The following CUL2 variants were observed in gnomAD, a reference collection of about 807,000 sequenced individuals.
The protein encoded by CUL2 is cullin-2.
In CUL2, 22 loss-of-function variants were observed where a neutral mutation model predicts 110.2. That is an observed-to-expected ratio of 0.20 (90% CI 0.14 to 0.28). The LOEUF is 0.28. CUL2 is among the 10% of genes least tolerant of loss of function. The pLI is 1.00. For missense variants in CUL2, 631 were observed against 905.5 expected, an observed-to-expected ratio of 0.70 and a Z score of 3.89; for synonymous variants, 279 against 293.2, an observed-to-expected ratio of 0.95 and a Z score of 0.49.
rs73260837 is a variant in CUL2, at chr10:35,117,036, C to G, written c.-51+9569G>C. ...CATCCAGAAGAGACATTTCTTCCAC[C>G]CTTACAATGAAAAAAAAGGTAAACT... On this transcript the variant is annotated intron_variant, in intron 1 of 5. Coordinates refer to the CUL2 transcript ENST00000685421. 3.8e-3 allele frequency among the ~76,000 whole-genome samples: 571 copies of G among 152,046 alleles called. 6 individuals carry two copies. Among genetic ancestry groups the G allele is most frequent in the African/African-American group, 0.013 (530 of 41,482 alleles).
chr10:35,041,050 T>C (rs1378265446), intron 8 of CUL2, among the ~76,000 whole-genome samples: 1 of 152,186 alleles, frequency 6.6e-6, no homozygotes, highest in African/African-American at 2.4e-5. Flanking sequence ...GTCCTCAGCC[T>C]GAGGGTCAGG....
chr10:35,091,176 A>G (rs2087198207), upstream of CUL2, among the ~76,000 whole-genome samples: 1 of 152,140 alleles, frequency 6.6e-6, no homozygotes, highest in African/African-American at 2.4e-5. Flanking sequence ...ACCTCCTCAT[A>G]TATGCAGGGC....
rs12573435 is a variant in CUL2, at chr10:35,102,389, T to C, written c.-50-1329A>G. Among the ~76,000 whole-genome samples, 179 of 151,190 alleles carry C rather than the reference T, an allele frequency of 1.2e-3. 1 individual carries two copies. The East Asian group carries it at 0.025, about 21-fold the overall frequency. ...GAGTTCAAGACCAGCCTGGCCAACA[T>C]AGTGAAATCCTGTCTCCACTAGAAA... is the stretch of plus-strand genomic sequence containing the variant. On this transcript the variant is annotated intron_variant, in intron 1 of 5. Transcript: ENST00000685421.
chr10:35,034,109 CATGA>C (rs2085553671), intron 10 of CUL2, among the ~76,000 whole-genome samples: 1 of 152,138 alleles, frequency 6.6e-6, no homozygotes, highest in South Asian at 2.1e-4. Context: ...TGGAGATAAC[CATGA>C]AGAAGTTACT....
intron 1 of CUL2, among the ~76,000 whole-genome samples, chr10:35,074,481 A>G (rs1427643365): frequency 6.6e-6 from 1 of 151,904 alleles, no homozygotes; most frequent in African/African-American, 2.4e-5. Flanking sequence ...ACTCCCACTG[A>G]TAGTCTAACC....
intron 17 of CUL2, among the ~76,000 whole-genome samples, chr10:35,024,110 C>T (rs2085276371): frequency 6.6e-6 from 1 of 152,162 alleles, no homozygotes; most frequent in African/African-American, 2.4e-5. Flanking sequence ...GCTGGGGTTA[C>T]AGGTGTGAGC....
At position 35,041,743 on chromosome 10, in the gene CUL2, C is replaced by T. The variant is rs1486887284; in HGVS notation, c.715-2661G>A. Among the ~76,000 whole-genome samples, 3 of 152,038 alleles carry T rather than the reference C, an allele frequency of 2.0e-5. No individual in the cohort carries two copies. In the East Asian group the frequency reaches 5.8e-4, roughly 29 times the overall value. On this transcript the variant is annotated intron_variant, in intron 8 of 20. Coordinates refer to ENST00000374749, the MANE Select transcript of CUL2 (RefSeq NM_003591.4). ...GTAGAGATGGGGTTTTGCCACGTTG[C>T]CCAGGCTTGTCCTGAACTCCTGGAC...
intron 8 of CUL2, among the ~76,000 whole-genome samples, chr10:35,043,028 C>T (rs1327552753): frequency 6.6e-6 from 1 of 152,036 alleles, no homozygotes; most frequent in Non-Finnish European, 1.5e-5. Context: ...AAGAGAGCCA[C>T]ACCTTTGTTT....
At chr10:35,061,521 T>A (rs551724473) in intron 3 of CUL2, among the ~76,000 whole-genome samples, 11 of 150,600 alleles carry the variant, frequency 7.3e-5, no homozygotes, top group South Asian at 2.1e-4. Context: ...TGCAAAAAAA[T>A]TATTAATGTC....
chr10:35,011,785 C>A, intron 20 of CUL2, 63 bp downstream of exon 20: 1 of 791,694 alleles, frequency 1.3e-6, no homozygotes, highest in Non-Finnish European at 2.1e-6. Context: ...AAGAAAGAGA[C>A]TGAATCTGTA....
At chr10:35,076,984 GGAGCTTGCAAT>G (rs1184030025) in intron 1 of CUL2, among the ~76,000 whole-genome samples, 1 of 152,052 alleles carries the variant, frequency 6.6e-6, no homozygotes, top group East Asian at 1.9e-4. Flanking sequence ...CCCAGGAGGC[GGAGCTTGCAAT>G]GAGCCGAGAT....
At chr10:35,049,500 A>G (rs917855082) in intron 6 of CUL2, among the ~76,000 whole-genome samples, 183 bp downstream of exon 6, 3 of 151,266 alleles carry the variant, frequency 2.0e-5, no homozygotes, top group Non-Finnish European at 4.4e-5. Flanking sequence ...AAAAAAAAAG[A>G]AAGAAGAAGA....
chr10:35,038,579 T>G (rs1257173211), intron 9 of CUL2, among the ~76,000 whole-genome samples: 2 of 146,506 alleles, frequency 1.4e-5, no homozygotes, highest in Non-Finnish European at 3.0e-5. Context: ...TTATATTATA[T>G]AAATTATTAC....
At chr10:35,075,203 C>T (rs1419337253) in intron 1 of CUL2, among the ~76,000 whole-genome samples, 1 of 152,152 alleles carries the variant, frequency 6.6e-6, no homozygotes, top group Non-Finnish European at 1.5e-5. Flanking sequence ...CCTCGTGAAA[C>T]ACACCAAAAA....
intron 8 of CUL2, among the ~76,000 whole-genome samples, chr10:35,041,560 C>A (rs993721932): frequency 2.6e-5 from 4 of 152,102 alleles, no homozygotes; most frequent in Admixed American, 6.5e-5. Context: ...TTTTGTCAGA[C>A]AGGATCTCGC....
intron 6 of CUL2, 88 bp downstream of exon 6, chr10:35,049,595 G>C: frequency 1.9e-6 from 2 of 1,035,894 alleles, no homozygotes; most frequent in Non-Finnish European, 2.9e-6. Flanking sequence ...CCCAAGGCTA[G>C]TCACTGGCTC....
intron 16 of CUL2, among the ~76,000 whole-genome samples, chr10:35,027,687 C>T (rs1283617244): frequency 1.3e-5 from 2 of 152,058 alleles, no homozygotes; most frequent in African/African-American, 4.8e-5. Flanking sequence ...AAACTGTACA[C>T]TATTAAGTAT....
chr10:35,068,104 C>A (rs1329614361), intron 2 of CUL2, among the ~76,000 whole-genome samples: 2 of 130,568 alleles, frequency 1.5e-5, no homozygotes, highest in African/African-American at 3.0e-5. Flanking sequence ...AGCGAGACTC[C>A]GTCTCAAAAA....
intron 4 of CUL2, among the ~76,000 whole-genome samples, chr10:35,055,427 G>C (rs2086217980): frequency 6.6e-6 from 1 of 152,156 alleles, no homozygotes; most frequent in Non-Finnish European, 1.5e-5. Flanking sequence ...ACAATTTTGG[G>C]AAACAATTAA....
Sources: allele counts gnomAD v4.1 joint callset (sites outside exome capture counted in the v4.1 genomes callset), GRCh38; gene constraint gnomAD v4.1.1; transcripts MANE v1.5; gene names NCBI Gene and HGNC (gene_info 2026-07-23, HGNC 2026-07-21).